The following MOB3B variants were observed in gnomAD, a reference collection of about 807,000 sequenced individuals.
The protein encoded by MOB3B is MOB kinase activator 3B, also known as MOB kinase activator-like 2B.
A neutral mutation model predicts 18.7 loss-of-function variants in MOB3B; 7 were observed. That is an observed-to-expected ratio of 0.37 (90% CI 0.21 to 0.70). The LOEUF is 0.70. Among genes scored for constraint, MOB3B ranks in the 30% least tolerant of loss-of-function variants. The pLI is 0.52. For missense variants in MOB3B, 253 were observed against 281.3 expected (o/e 0.90, Z 0.72); for synonymous variants, 111 against 99.9 (o/e 1.11, Z -0.66).
intron 2 of MOB3B, chr9:27,421,450 G>C (rs1257872271): frequency 6.6e-6 from 1 of 152,280 alleles, no homozygotes; most frequent in South Asian, 2.1e-4. Context: ...AGTGAGTTAA[G>C]TGAGAGTAGC....
At chr9:27,384,743 C>T (rs1821626766) in intron 2 of MOB3B, among the ~76,000 whole-genome samples, 2 of 152,180 alleles carry the variant, frequency 1.3e-5, no homozygotes, top group South Asian at 4.1e-4. Context: ...CATCTCTGTC[C>T]CCCACACCTG....
intron 1 of MOB3B, among the ~76,000 whole-genome samples, chr9:27,514,555 G>T (rs1223239652): frequency 6.6e-6 from 1 of 152,182 alleles, no homozygotes; most frequent in African/African-American, 2.4e-5. Context: ...TGTGTCTACA[G>T]ATTATTTTCC....
chr9:27,425,939 A>C (rs1471370762), intron 2 of MOB3B, among the ~76,000 whole-genome samples: 1 of 152,210 alleles, frequency 6.6e-6, no homozygotes, highest in Non-Finnish European at 1.5e-5. Flanking sequence ...CGGCAAACTG[A>C]CTTATCCATT....
chr9:27,499,348 A>T (rs1819951480), intron 1 of MOB3B, among the ~76,000 whole-genome samples: 2 of 152,252 alleles, frequency 1.3e-5, no homozygotes, highest in Admixed American at 6.5e-5. Flanking sequence ...TCTCTAAAAA[A>T]TGACCAAGAA....
At chr9:27,471,660 T>A (rs7026085) in intron 1 of MOB3B, among the ~76,000 whole-genome samples, 1 of 152,214 alleles carries the variant, frequency 6.6e-6, no homozygotes, top group Non-Finnish European at 1.5e-5. Context: ...AGAGTTAAAT[T>A]ACATTATCCA....
At chr9:27,343,468 CAATAAATACTA>C (rs1820984168) in intron 3 of MOB3B, among the ~76,000 whole-genome samples, 1 of 103,800 alleles carries the variant, frequency 9.6e-6, no homozygotes, top group Non-Finnish European at 1.8e-5. Flanking sequence ...CAAGAATGCT[CAATAAATACTA>C]AAAAAAAAAA....
chr9:27,495,710 A>G (rs1473881121), intron 1 of MOB3B, among the ~76,000 whole-genome samples: 4 of 152,224 alleles, frequency 2.6e-5, no homozygotes, highest in African/African-American at 9.6e-5. Flanking sequence ...AATGGGTTCA[A>G]ACTTCCTGTT....
intron 3 of MOB3B, among the ~76,000 whole-genome samples, chr9:27,333,959 G>C (rs981036917): frequency 2.6e-5 from 4 of 152,074 alleles, no homozygotes; most frequent in African/African-American, 9.7e-5. Flanking sequence ...CTTATATCTG[G>C]TAAATATTTT....
intron 3 of MOB3B, among the ~76,000 whole-genome samples, chr9:27,332,555 C>T (rs182466787): frequency 2.0e-5 from 3 of 152,290 alleles, no homozygotes; most frequent in East Asian, 3.9e-4. Context: ...AACTCTAAGA[C>T]AGGGAACTAT....
chr9:27,361,431 GAGA>G (rs772972839), intron 2 of MOB3B, among the ~76,000 whole-genome samples: 2 of 152,152 alleles, frequency 1.3e-5, no homozygotes, highest in African/African-American at 4.8e-5. Flanking sequence ...ACAGAAGAAG[GAGA>G]AGGACAGAAA....
At chr9:27,462,066 C>T (rs7023622) in intron 1 of MOB3B, among the ~76,000 whole-genome samples, 90,915 of 152,032 alleles carry the variant, frequency 0.6, 27,477 homozygotes, top group Middle Eastern at 0.63. Context: ...AGATGAAGAC[C>T]TTTTGGTCAA....
chr9:27,347,753 C>T (rs1053825264), intron 3 of MOB3B, among the ~76,000 whole-genome samples: 3 of 152,216 alleles, frequency 2.0e-5, no homozygotes, highest in Non-Finnish European at 4.4e-5. Flanking sequence ...TGTATTTTTA[C>T]TGTACTGTTT....
intron 1 of MOB3B, among the ~76,000 whole-genome samples, chr9:27,504,714 G>A (rs1381083701): frequency 6.6e-6 from 1 of 152,226 alleles, no homozygotes; most frequent in East Asian, 1.9e-4. Context: ...CACAGGAAAA[G>A]TGGGACCAAT....
intron 2 of MOB3B, among the ~76,000 whole-genome samples, chr9:27,426,579 A>G (rs1822336908): frequency 6.6e-6 from 1 of 152,166 alleles, no homozygotes; most frequent in East Asian, 1.9e-4. Flanking sequence ...CGTCATGGCC[A>G]TTGCCTGTCA....
intron 2 of MOB3B, among the ~76,000 whole-genome samples, chr9:27,446,462 G>C (rs924984387): frequency 6.6e-6 from 1 of 152,168 alleles, no homozygotes; most frequent in African/African-American, 2.4e-5. Context: ...TCAAGGCCAA[G>C]CAACGCCAAT....
At chr9:27,388,579 T>C (rs1366270175) in intron 2 of MOB3B, among the ~76,000 whole-genome samples, 3 of 152,220 alleles carry the variant, frequency 2.0e-5, no homozygotes, top group South Asian at 2.1e-4. Context: ...CAGTGTACAC[T>C]GTACCCAAGG....
chr9:27,469,661 GT>G (rs1451671096), intron 1 of MOB3B, among the ~76,000 whole-genome samples: 1 of 152,162 alleles, frequency 6.6e-6, no homozygotes, highest in Non-Finnish European at 1.5e-5. Context: ...ATATTTAAAG[GT>G]TCACAGTTAG....
intron 1 of MOB3B, among the ~76,000 whole-genome samples, chr9:27,486,623 T>C (rs1047112966): frequency 2.0e-5 from 3 of 152,214 alleles, no homozygotes; most frequent in Non-Finnish European, 4.4e-5. Context: ...CGCATTCTGA[T>C]TACAATCTAA....
intron 2 of MOB3B, among the ~76,000 whole-genome samples, chr9:27,444,893 G>A (rs557613414): frequency 1.3e-4 from 20 of 152,288 alleles, no homozygotes; most frequent in Non-Finnish European, 2.1e-4. Context: ...AATTATTACT[G>A]TATTTTAAGC....
Sources: gnomAD v4.1 joint callset for allele counts (sites outside exome capture counted in the v4.1 genomes callset) on GRCh38, gnomAD v4.1.1 for gene constraint, MANE v1.5 for transcripts, NCBI Gene and HGNC (gene_info 2026-07-23, HGNC 2026-07-21) for gene names.